Variants in NELL2 observed in about 807,000 individuals in gnomAD.
NELL2 encodes the protein neural EGFL like 2, also known as protein kinase C-binding protein NELL2.
A neutral mutation model predicts 109.6 loss-of-function variants in NELL2; 41 were observed. The ratio of observed to expected loss-of-function variants is 0.37; its 90% CI spans 0.29 to 0.49. NELL2 has a LOEUF of 0.49. NELL2 is among the 20% of genes least tolerant of loss of function. NELL2 has a pLI of 0.98. For synonymous variants in NELL2, 355 were observed against 344.7 expected (o/e 1.03, Z -0.33); for missense variants, 900 against 1,008.3 (o/e 0.89, Z 1.45).
At chr12:44,801,405 A>G (rs1408357365) in intron 3 of NELL2, among the ~76,000 whole-genome samples, 1 of 152,148 alleles carries the variant, frequency 6.6e-6, no homozygotes, top group Non-Finnish European at 1.5e-5. Context: ...TCAAACCACT[A>G]TAGAACAATA....
At chr12:44,686,240 T>C (rs1245824705) in intron 12 of NELL2, among the ~76,000 whole-genome samples, 1 of 152,226 alleles carries the variant, frequency 6.6e-6, no homozygotes, top group East Asian at 1.9e-4. Context: ...TTCACGTAGT[T>C]CTCGAGCCTT....
At chr12:44,546,115 G>T (rs1404846196) in intron 15 of NELL2, among the ~76,000 whole-genome samples, 1 of 152,130 alleles carries the variant, frequency 6.6e-6, no homozygotes, top group Admixed American at 6.5e-5. Context: ...GCCAGGAATG[G>T]TAAGATGACA....
At chr12:44,565,281 C>A (rs552595629) in intron 15 of NELL2, among the ~76,000 whole-genome samples, 26 of 152,260 alleles carry the variant, frequency 1.7e-4, no homozygotes, top group African/African-American at 6.3e-4. Context: ...TTTATCTAAT[C>A]TTACTAATTC....
At chr12:44,627,325 C>A (rs1016561134) in intron 13 of NELL2, among the ~76,000 whole-genome samples, 7 of 151,670 alleles carry the variant, frequency 4.6e-5, no homozygotes, top group Non-Finnish European at 1.0e-4. Flanking sequence ...TAATTTTTTG[C>A]ATTGACATGG....
chr12:44,855,880 A>AT (rs1272177402), intron 2 of NELL2, among the ~76,000 whole-genome samples: 5 of 152,056 alleles, frequency 3.3e-5, no homozygotes, highest in African/African-American at 4.8e-5. Flanking sequence ...CAGAACTACC[A>AT]TTTTTTCCAT....
At chr12:44,812,975 T>C (rs1419740705) in intron 3 of NELL2, among the ~76,000 whole-genome samples, 1 of 152,192 alleles carries the variant, frequency 6.6e-6, no homozygotes, top group African/African-American at 2.4e-5. Context: ...CTAAGGCTTG[T>C]TTTTCTTATC....
At chr12:44,509,100 T>C in intron 19 of NELL2, 116 bp from the exon 20 acceptor site, 1 of 825,918 alleles carries the variant, frequency 1.2e-6, no homozygotes, top group East Asian at 2.7e-5. Flanking sequence ...TCTGCATTCC[T>C]AAAAATTCAA....
At chr12:44,605,138 GC>G (rs953117821) in intron 15 of NELL2, among the ~76,000 whole-genome samples, 3 of 152,110 alleles carry the variant, frequency 2.0e-5, no homozygotes. Context: ...TGGATTTAAG[GC>G]CCCCCAAAGA....
At chr12:44,610,395 G>C (rs892088322) in intron 14 of NELL2, among the ~76,000 whole-genome samples, 3 of 152,042 alleles carry the variant, frequency 2.0e-5, no homozygotes, top group Non-Finnish European at 4.4e-5. Context: ...GAAGCTGGGA[G>C]AGTGCTAAAC....
At chr12:44,537,006 A>G (rs1288477190) in intron 15 of NELL2, among the ~76,000 whole-genome samples, 1 of 141,000 alleles carries the variant, frequency 7.1e-6, no homozygotes, top group East Asian at 2.3e-4. Context: ...AAACAAAACA[A>G]AACAAAAACC....
intron 15 of NELL2, among the ~76,000 whole-genome samples, chr12:44,561,335 CA>C (rs1943460334): frequency 6.6e-6 from 1 of 152,114 alleles, no homozygotes; most frequent in African/African-American, 2.4e-5. Context: ...ACAGGGTAAT[CA>C]GGCAAAAGAA....
chr12:44,874,983 G>A (rs1368890995), intron 2 of NELL2: 1 of 427,570 alleles, frequency 2.3e-6, no homozygotes, highest in Non-Finnish European at 4.1e-6. Context: ...TTTCTGCTCA[G>A]TAATTAAGGG....
At chr12:44,915,342 A>G (rs1043388863), upstream of NELL2, among the ~76,000 whole-genome samples, 3 of 152,152 alleles carry the variant, frequency 2.0e-5, no homozygotes, top group African/African-American at 7.2e-5. Context: ...CAAAACACTG[A>G]ATCAGTAATT....
chr12:44,824,550 A>G (rs1446295460), intron 2 of NELL2, among the ~76,000 whole-genome samples: 2 of 152,092 alleles, frequency 1.3e-5, no homozygotes, highest in African/African-American at 4.8e-5. Context: ...TTGAAAATCA[A>G]TCGACTAGAA....
intron 9 of NELL2, among the ~76,000 whole-genome samples, chr12:44,723,195 A>AG (rs959714130): frequency 3.6e-4 from 55 of 152,216 alleles, no homozygotes; most frequent in African/African-American, 1.2e-3. Flanking sequence ...CGTCTCAAAA[A>AG]AAAAAAAACT....
rs528743909 is a variant in NELL2, at chr12:44,910,728, T to C, written c.38+3071A>G. ...AACCTAGGTGCCCATCAATGATGGA[T>C]TGGATAAAGAAAATGTGGTACATAT... is the stretch of plus-strand genomic sequence containing the variant. On this transcript the variant is annotated intron_variant, in intron 1 of 20. Coordinates refer to the NELL2 transcript ENST00000333837. 8.5e-4 allele frequency among the ~76,000 whole-genome samples: 129 copies of C among 151,992 alleles called. No homozygotes were observed. In the South Asian group the frequency reaches 0.01, roughly 12 times the overall value.
chr12:44,535,265 A>C (rs1245431296), intron 15 of NELL2, among the ~76,000 whole-genome samples: 1 of 151,986 alleles, frequency 6.6e-6, no homozygotes, highest in Non-Finnish European at 1.5e-5. Context: ...ACCTTCCAAT[A>C]AACCTATTGT....
At chr12:44,622,135 T>A (rs1946083262) in intron 13 of NELL2, among the ~76,000 whole-genome samples, 2 of 152,140 alleles carry the variant, frequency 1.3e-5, no homozygotes, top group African/African-American at 4.8e-5. Flanking sequence ...AGATACAAAA[T>A]CAACATTTTT....
chr12:44,602,707 A>G (rs891395011), intron 15 of NELL2, among the ~76,000 whole-genome samples: 2 of 152,170 alleles, frequency 1.3e-5, no homozygotes, highest in South Asian at 2.1e-4. Context: ...TGTTCTGAGA[A>G]TTTTCCCTTG....
Sources: gnomAD v4.1 joint callset for allele counts (sites outside exome capture counted in the v4.1 genomes callset) on GRCh38, gnomAD v4.1.1 for gene constraint, MANE v1.5 for transcripts, NCBI Gene and HGNC (gene_info 2026-07-23, HGNC 2026-07-21) for gene names.